Variants in CPQ observed in about 807,000 individuals in gnomAD.
CPQ encodes carboxypeptidase Q.
Under a neutral mutation model 45.7 loss-of-function variants are expected in CPQ, and 37 were observed. The ratio of observed to expected loss-of-function variants is 0.81; its 90% CI spans 0.62 to 1.07. The LOEUF is 1.07. Ranked by LOEUF, CPQ falls within the 50% of genes least tolerant of loss-of-function variation. The pLI is 0.00. For synonymous variants in CPQ, 186 were observed against 205.8 expected (o/e 0.90, Z 0.82); for missense variants, 537 against 572.9 (o/e 0.94, Z 0.64).
intron 5 of CPQ, among the ~76,000 whole-genome samples, chr8:97,001,186 T>C (rs534867403): frequency 5.1e-4 from 77 of 152,032 alleles, no homozygotes; most frequent in Admixed American, 2.0e-3. Flanking sequence ...TATCTGCAAA[T>C]AAAGATAATT....
intron 4 of CPQ, among the ~76,000 whole-genome samples, chr8:96,891,795 T>C (rs1320471969): frequency 6.6e-6 from 1 of 152,130 alleles, no homozygotes; most frequent in Non-Finnish European, 1.5e-5. Context: ...CAAGCAACAG[T>C]GATAGAAGGT....
chr8:96,834,139 G>C (rs1447777096), intron 2 of CPQ, among the ~76,000 whole-genome samples: 1 of 151,990 alleles, frequency 6.6e-6, no homozygotes. Context: ...CCATCAATTT[G>C]GATCTTTAAT....
chr8:97,006,795 G>A (rs1393270376), intron 5 of CPQ, among the ~76,000 whole-genome samples: 9 of 152,142 alleles, frequency 5.9e-5, no homozygotes, highest in African/African-American at 1.9e-4. Context: ...ACAGAACATC[G>A]GGGGCTGGAA....
intron 2 of CPQ, among the ~76,000 whole-genome samples, chr8:96,817,585 A>G (rs1258515627): frequency 2.6e-5 from 4 of 151,052 alleles, no homozygotes; most frequent in Admixed American, 6.6e-5. Flanking sequence ...TTGCTTTCTT[A>G]TCACTCACGT....
chr8:96,946,829 T>A (rs891467961), intron 4 of CPQ, among the ~76,000 whole-genome samples: 2 of 152,144 alleles, frequency 1.3e-5, no homozygotes, highest in African/African-American at 4.8e-5. Context: ...GAGCTTCATG[T>A]GGCCAGCTCT....
At chr8:96,648,200 T>C (rs367810205) in intron 1 of CPQ, among the ~76,000 whole-genome samples, 5 of 152,156 alleles carry the variant, frequency 3.3e-5, no homozygotes, top group African/African-American at 1.2e-4. Flanking sequence ...TGTGGCCGCC[T>C]GAAAAACTAA....
chr8:96,716,480 C>G (rs1809673576), intron 1 of CPQ, among the ~76,000 whole-genome samples: 2 of 152,206 alleles, frequency 1.3e-5, no homozygotes, highest in Admixed American at 1.3e-4. Flanking sequence ...TCTCATCCCA[C>G]TTCCACCCTT....
chr8:96,787,525 C>CTTTTTTTATTTTT (rs1810784883), intron 2 of CPQ, among the ~76,000 whole-genome samples: 1 of 47,594 alleles, frequency 2.1e-5, no homozygotes, highest in African/African-American at 8.1e-5. Flanking sequence ...CTTATAATGT[C>CTTTTTTTATTTTT]TTTTTTTTTT....
chr8:97,088,741 A>C (rs1455561337), intron 7 of CPQ, among the ~76,000 whole-genome samples: 1 of 152,222 alleles, frequency 6.6e-6, no homozygotes, highest in Non-Finnish European at 1.5e-5. Context: ...TAGCTTTTAA[A>C]AAATGCTACT....
At position 96,741,858 on chromosome 8, in the gene CPQ, G is replaced by C. The variant is rs534653469; in HGVS notation, c.-34-43006G>C. ...TGAGAGATAGTTTGTTATAATTTCT[G>C]TTCTTTTACATTTGCTGAGGAGAGC... On this transcript the variant is annotated intron_variant, in intron 1 of 7. Transcript: ENST00000220763. Among the ~76,000 whole-genome samples, 212 of 146,948 alleles carry C rather than the reference G, an allele frequency of 1.4e-3. 1 individual carries two copies. Among genetic ancestry groups the C allele is most frequent in the Admixed American group, 4.5e-3 (65 of 14,580 alleles).
chr8:96,948,862 C>T (rs1380021379), intron 4 of CPQ, among the ~76,000 whole-genome samples: 2 of 152,034 alleles, frequency 1.3e-5, no homozygotes, highest in African/African-American at 2.4e-5. Context: ...CTTATATCTT[C>T]CTGATGGATT....
At chr8:96,866,404 CT>C (rs1332068919) in intron 3 of CPQ, among the ~76,000 whole-genome samples, 2 of 152,078 alleles carry the variant, frequency 1.3e-5, no homozygotes, top group African/African-American at 4.8e-5. Context: ...ACATGAGACC[CT>C]TTAGATTATG....
chr8:96,695,896 A>G (rs1256873987), intron 1 of CPQ, among the ~76,000 whole-genome samples: 3 of 149,622 alleles, frequency 2.0e-5, no homozygotes, highest in Non-Finnish European at 4.4e-5. Context: ...TTCCTCAGGG[A>G]TCTAGAACTA....
chr8:97,119,765 C>G (rs1322398536), intron 7 of CPQ, among the ~76,000 whole-genome samples: 1 of 152,152 alleles, frequency 6.6e-6, no homozygotes, highest in Non-Finnish European at 1.5e-5. Context: ...AATCACAGTA[C>G]CCAGTCAGGA....
In CPQ at chr8:96,820,402, TC is replaced by T. The variant is rs1319753574; in HGVS notation, c.434-14570del. Reference sequence around the variant, plus strand: ...ATACATATATAATTTACCATCTTTATCTTTTTTAAGTGTGTAGTTCAGTGGT... The same window carrying T: ...ATACATATATAATTTACCATCTTTATTTTTTTAAGTGTGTAGTTCAGTGGT... On this transcript the variant is annotated intron_variant, in intron 2 of 7. Transcript: ENST00000220763. Among the ~76,000 whole-genome samples, 3 of 152,222 alleles carry T rather than the reference TC, an allele frequency of 2.0e-5. No homozygotes were observed. The East Asian group carries it at 5.8e-4, about 30-fold the overall frequency.
At chr8:96,864,829 G>A (rs1210198744) in intron 3 of CPQ, among the ~76,000 whole-genome samples, 1 of 151,984 alleles carries the variant, frequency 6.6e-6, no homozygotes, top group Non-Finnish European at 1.5e-5. Context: ...ATGGGGCACA[G>A]CATGAGGAGA....
chr8:96,791,244 T>G (rs1810841477), intron 2 of CPQ, among the ~76,000 whole-genome samples: 1 of 152,200 alleles, frequency 6.6e-6, no homozygotes, highest in Non-Finnish European at 1.5e-5. Context: ...TAGACTATAT[T>G]GCCTCACATA....
rs923345840 is a variant in CPQ, at chr8:96,819,078, A to AT, written c.434-15887dup. Among the ~76,000 whole-genome samples, 9 of 151,886 alleles carry AT rather than the reference A, an allele frequency of 5.9e-5. No individual in the cohort carries two copies. In the South Asian group the frequency reaches 1.2e-3, roughly 21 times the overall value. On this transcript the variant is annotated intron_variant, in intron 2 of 7. Coordinates refer to ENST00000220763, the MANE Select transcript of CPQ (RefSeq NM_016134.4). ...CTCTACTCCGTAACTGAAAAACTATATTTTTTTTCTATGGAAATTCCATCA... is the reference window on the plus strand; with the variant it reads ...CTCTACTCCGTAACTGAAAAACTATATTTTTTTTTCTATGGAAATTCCATCA...
chr8:97,043,630 G>T (rs1810175728), intron 6 of CPQ, among the ~76,000 whole-genome samples: 1 of 152,310 alleles, frequency 6.6e-6, no homozygotes, highest in East Asian at 1.9e-4. Flanking sequence ...GCTACCGGTT[G>T]TTCCTTTCCA....
Sources: allele counts gnomAD v4.1 joint callset (sites outside exome capture counted in the v4.1 genomes callset), GRCh38; gene constraint gnomAD v4.1.1; transcripts MANE v1.5; gene names NCBI Gene and HGNC (gene_info 2026-07-23, HGNC 2026-07-21).